Variants in GIGYF2 observed in about 807,000 individuals in gnomAD.
GIGYF2 encodes the protein GRB10 interacting GYF protein 2, also known as GRB10-interacting GYF protein 2.
In GIGYF2, 25 loss-of-function variants were observed where a neutral mutation model predicts 208.1. The ratio of observed to expected loss-of-function variants is 0.12; its 90% CI spans 0.09 to 0.17. The LOEUF (loss-of-function observed/expected upper bound fraction) is 0.17, where lower values mean the gene tolerates loss of function less well. GIGYF2 is among the 10% of genes least tolerant of loss of function. GIGYF2 has a pLI of 1.00. For synonymous variants in GIGYF2, 534 were observed against 543.8 expected (o/e 0.98, Z 0.25); for missense variants, 1,302 against 1,579.4 (o/e 0.82, Z 2.98).
chr2:232,805,045 C>T (rs1369934294), intron 14 of GIGYF2, among the ~76,000 whole-genome samples: 1 of 151,364 alleles, frequency 6.6e-6, no homozygotes, highest in Admixed American at 6.6e-5. Flanking sequence ...TAGTGGTGAT[C>T]TGTGAGATTT....
chr2:232,829,672 T>G (rs925561834), intron 21 of GIGYF2, among the ~76,000 whole-genome samples: 36 of 152,202 alleles, frequency 2.4e-4, no homozygotes, highest in African/African-American at 8.4e-4. Flanking sequence ...GGGGCTCATC[T>G]CTTTCTGGTT....
At chr2:232,764,160 A>T (rs992023196) in intron 8 of GIGYF2, among the ~76,000 whole-genome samples, 4 of 152,364 alleles carry the variant, frequency 2.6e-5, no homozygotes, top group Admixed American at 2.6e-4. Context: ...AAATCTAATC[A>T]AATGGGGCAT....
chr2:232,839,245 T>C (rs1487877384), intron 22 of GIGYF2, among the ~76,000 whole-genome samples: 2 of 152,184 alleles, frequency 1.3e-5, no homozygotes, highest in Non-Finnish European at 2.9e-5. Flanking sequence ...ATATTTATAC[T>C]CTATTTTAGT....
intron 2 of GIGYF2, among the ~76,000 whole-genome samples, chr2:232,716,840 T>C (rs1696705421): frequency 6.6e-6 from 1 of 152,110 alleles, no homozygotes; most frequent in African/African-American, 2.4e-5. Flanking sequence ...GGGTCTCACT[T>C]TGTAGCCCAG....
At chr2:232,800,149 A>G (rs373801830) in intron 14 of GIGYF2, among the ~76,000 whole-genome samples, 2 of 148,222 alleles carry the variant, frequency 1.3e-5, no homozygotes, top group African/African-American at 2.5e-5. Flanking sequence ...CAATTTGTCT[A>G]TTTTTGCTTT....
intron 2 of GIGYF2, among the ~76,000 whole-genome samples, chr2:232,708,743 C>G (rs13396293): frequency 0.17 from 25,070 of 150,518 alleles, 2,669 homozygotes; most frequent in Non-Finnish European, 0.22. Flanking sequence ...AGCCTCACTG[C>G]AGCCTCTGCC....
intron 2 of GIGYF2, among the ~76,000 whole-genome samples, chr2:232,733,744 TC>T (rs1697608798): frequency 6.6e-6 from 1 of 152,218 alleles, no homozygotes; most frequent in Non-Finnish European, 1.5e-5. Flanking sequence ...TGTACATACT[TC>T]TATATACTTT....
rs760837382 is a variant in GIGYF2, at chr2:232,844,255, G to A, written c.3099G>A (p.Thr1033=). The change falls in exon 24 of 29, where the codon ACG becomes ACA. Residue 1033 remains threonine, a splice_region_variant and synonymous_variant. Coordinates refer to ENST00000373563, the MANE Select transcript of GIGYF2 (RefSeq NM_001103146.3). ...AACCAAACAGAGCTCGTAACAATAC[G>A]GTGTGTGCATTTTCCTAAGCTGTCG... ...HQQPNRARNN[T]HSNLHTSIGN... 17 of 1,586,616 alleles carry A rather than the reference G, an allele frequency of 1.1e-5. No individual in the cohort carries two copies. The highest frequency in any genetic ancestry group is 4.6e-5 in the East Asian group (2 of 43,492).
chr2:232,798,460 A>C (rs980478203), intron 14 of GIGYF2, among the ~76,000 whole-genome samples: 5 of 152,190 alleles, frequency 3.3e-5, no homozygotes, highest in Admixed American at 2.6e-4. Context: ...TGGTAGTTCT[A>C]TGCTTAGTTT....
At chr2:232,845,635 C>A in intron 25 of GIGYF2, 97 bp from the exon 26 acceptor site, 1 of 1,042,186 alleles carries the variant, frequency 9.6e-7, no homozygotes, top group Non-Finnish European at 1.5e-6. Flanking sequence ...TACTGGGCAT[C>A]CATCCAGTAT....
intron 28 of GIGYF2, among the ~76,000 whole-genome samples, chr2:232,855,789 C>T (rs1479567715): frequency 6.6e-6 from 1 of 152,004 alleles, no homozygotes; most frequent in Non-Finnish European, 1.5e-5. Context: ...TCCATGGTAA[C>T]CCCCCTGCCC....
chr2:232,720,636 C>T (rs1417792017), intron 2 of GIGYF2, among the ~76,000 whole-genome samples: 1 of 148,968 alleles, frequency 6.7e-6, no homozygotes, highest in African/African-American at 2.5e-5. Flanking sequence ...ACTCTGTTGT[C>T]CAGGCTGGAG....
At chr2:232,850,796 A>C (rs1690282532) in intron 28 of GIGYF2, among the ~76,000 whole-genome samples, 1 of 152,234 alleles carries the variant, frequency 6.6e-6, no homozygotes, top group South Asian at 2.1e-4. Flanking sequence ...TAATCCGATC[A>C]GGTGTTCCAA....
intron 3 of GIGYF2, among the ~76,000 whole-genome samples, chr2:232,737,805 C>T (rs1233156154): frequency 6.7e-6 from 1 of 150,276 alleles, no homozygotes; most frequent in Non-Finnish European, 1.5e-5. Context: ...ATAAGGGATA[C>T]TTAAAAATGA....
chr2:232,827,378 A>G (rs1701284178), intron 21 of GIGYF2, among the ~76,000 whole-genome samples: 1 of 152,158 alleles, frequency 6.6e-6, no homozygotes, highest in African/African-American at 2.4e-5. Context: ...CTTGTGTTTG[A>G]TAGAGTTCAC....
chr2:232,772,393 CT>C (rs1386739646), intron 8 of GIGYF2, among the ~76,000 whole-genome samples: 1 of 152,100 alleles, frequency 6.6e-6, no homozygotes, highest in Admixed American at 6.6e-5. Context: ...GAAGACATTT[CT>C]GGATAGCATT....
chr2:232,782,121 A>T (rs1699739918), intron 8 of GIGYF2, among the ~76,000 whole-genome samples: 1 of 152,226 alleles, frequency 6.6e-6, no homozygotes, highest in Admixed American at 6.5e-5. Flanking sequence ...GTTTGTCAGT[A>T]AAGGAGTGAG....
chr2:232,787,111 A>T (rs1699938677), intron 8 of GIGYF2, 39 bp from the exon 9 acceptor site: 1 of 1,469,754 alleles, frequency 6.8e-7, no homozygotes, highest in South Asian at 1.1e-5. Context: ...CTATACTGGC[A>T]GAGGCTCATG....
At chr2:232,718,681 C>T (rs944036542) in intron 2 of GIGYF2, among the ~76,000 whole-genome samples, 1 of 152,178 alleles carries the variant, frequency 6.6e-6, no homozygotes, top group Non-Finnish European at 1.5e-5. Flanking sequence ...CTAATTTGCA[C>T]TAATAAAGTT....
Sources: allele counts gnomAD v4.1 joint callset (sites outside exome capture counted in the v4.1 genomes callset), GRCh38; gene constraint gnomAD v4.1.1; transcripts MANE v1.5; gene names NCBI Gene and HGNC (gene_info 2026-07-23, HGNC 2026-07-21).